The following KCNK10 variants were observed in gnomAD, a reference collection of about 807,000 sequenced individuals.
KCNK10 encodes the protein potassium two pore domain channel subfamily K member 10, also known as potassium channel subfamily K member 10.
In KCNK10, 25 loss-of-function variants were observed where a neutral mutation model predicts 47.7. The ratio of observed to expected loss-of-function variants is 0.52; its 90% CI spans 0.38 to 0.73. The LOEUF (loss-of-function observed/expected upper bound fraction) is 0.73, where lower values mean the gene tolerates loss of function less well. Among genes scored for constraint, KCNK10 ranks in the 30% least tolerant of loss-of-function variants. The pLI, the probability that KCNK10 is intolerant of heterozygous loss-of-function variation, is 0.00. For synonymous variants in KCNK10, 303 were observed against 285.6 expected (o/e 1.06, Z -0.61); for missense variants, 563 against 714.5 (o/e 0.79, Z 2.42).
At position 88,227,449 on chromosome 14, in the gene KCNK10, A is replaced by G. The variant is rs868022506; in HGVS notation, c.607T>C (p.Leu203=). ...AGTTGGTCTCCAATTCCAGCCAATA[A>G]GAAACCAAAGAGTGGAATTCCAAAG... The part of the protein sequence containing the change: ...AIFGIPLFGF[L]LAGIGDQLGT... The change falls in exon 4 of 7, where the codon TTA becomes CTA. Residue 203 remains leucine (L), a synonymous_variant. Transcript: ENST00000319231. 6.2e-7 allele frequency: 1 copy of G among 1,613,754 alleles called. No homozygotes were observed.
At chr14:88,326,431 A>T (rs1171493735), upstream of KCNK10, 1 of 1,613,658 alleles carries the variant, frequency 6.2e-7, no homozygotes, top group East Asian at 2.2e-5. Context: ...AAGGAAAGAA[A>T]GAAGTCTGTG....
upstream of KCNK10, among the ~76,000 whole-genome samples, chr14:88,324,333 C>T (rs572140055): frequency 6.6e-6 from 1 of 152,216 alleles, no homozygotes; most frequent in Non-Finnish European, 1.5e-5. Context: ...ACGGGTCACT[C>T]CGAGTATCAA....
At chr14:88,250,624 C>T (rs1371180654) in intron 2 of KCNK10, among the ~76,000 whole-genome samples, 4 of 152,182 alleles carry the variant, frequency 2.6e-5, no homozygotes, top group Admixed American at 2.0e-4. Context: ...CTTTCCAACA[C>T]GCTGCTTTCC....
intron 1 of KCNK10, among the ~76,000 whole-genome samples, chr14:88,289,300 T>A (rs1887829114): frequency 1.3e-5 from 2 of 152,238 alleles, no homozygotes; most frequent in Non-Finnish European, 2.9e-5. Context: ...AAGAAGAATC[T>A]CACTGGGCTT....
Position 88,273,183 on chromosome 14 carries a change from A to C in KCNK10, c.53-9632T>G, listed in dbSNP as rs77578884. 3.5e-3 allele frequency among the ~76,000 whole-genome samples: 536 copies of C among 152,312 alleles called. 11 individuals are homozygous for C. Among genetic ancestry groups the C allele is most frequent in the Admixed American group, 0.026 (395 of 15,308 alleles). ...AGTAAAAGATGATGCTCAAGGGAGC[A>C]ACATTTAAGGGACAGCAAAGGGAGG... On this transcript the variant is annotated intron_variant, in intron 1 of 6. Coordinates refer to ENST00000319231, the MANE Select transcript of KCNK10 (RefSeq NM_138317.3).
chr14:88,238,413 G>A (rs566514522), intron 3 of KCNK10, among the ~76,000 whole-genome samples: 1 of 152,332 alleles, frequency 6.6e-6, no homozygotes, highest in African/African-American at 2.4e-5. Context: ...GCTCATGCCT[G>A]TAATTCCAGC....
At chr14:88,261,478 C>T (rs1213814595) in intron 2 of KCNK10, among the ~76,000 whole-genome samples, 2 of 152,188 alleles carry the variant, frequency 1.3e-5, no homozygotes, top group East Asian at 1.9e-4. Context: ...AAGGGATGGG[C>T]GTGGTGACTC....
intron 1 of KCNK10, among the ~76,000 whole-genome samples, chr14:88,265,777 A>G (rs983799899): frequency 6.6e-6 from 1 of 152,198 alleles, no homozygotes; most frequent in African/African-American, 2.4e-5. Flanking sequence ...GTGATAGTGA[A>G]TAAGTCTCAC....
At chr14:88,284,577 A>G (rs2139775542) in intron 1 of KCNK10, among the ~76,000 whole-genome samples, 1 of 152,248 alleles carries the variant, frequency 6.6e-6, no homozygotes, top group Middle Eastern at 3.4e-3. Flanking sequence ...AAGCTAAACA[A>G]CTTGGAGTCT....
intron 1 of KCNK10, among the ~76,000 whole-genome samples, chr14:88,273,506 G>C (rs1887456000): frequency 6.6e-6 from 1 of 152,274 alleles, no homozygotes; most frequent in East Asian, 1.9e-4. Flanking sequence ...TGCCTTTATT[G>C]TTCCGATAAA....
chr14:88,265,740 G>A (rs1175223473), intron 1 of KCNK10, among the ~76,000 whole-genome samples: 1 of 152,084 alleles, frequency 6.6e-6, no homozygotes, highest in African/African-American at 2.4e-5. Context: ...TGAAGCATGG[G>A]GGCAGGTTTT....
At chr14:88,189,082 T>C (rs913891710) in intron 5 of KCNK10, among the ~76,000 whole-genome samples, 2 of 152,174 alleles carry the variant, frequency 1.3e-5, no homozygotes, top group African/African-American at 4.8e-5. Flanking sequence ...GTAACTATCG[T>C]ATTAGGTGAT....
At chr14:88,220,603 A>AG (rs1025065958) in intron 4 of KCNK10, among the ~76,000 whole-genome samples, 16 of 86,954 alleles carry the variant, frequency 1.8e-4, no homozygotes, top group African/African-American at 7.6e-4. Flanking sequence ...GACAACATGG[A>AG]GAAAAAAAAA....
At chr14:88,234,694 T>C (rs113015265) in intron 3 of KCNK10, among the ~76,000 whole-genome samples, 1 of 152,314 alleles carries the variant, frequency 6.6e-6, no homozygotes, top group East Asian at 1.9e-4. Context: ...CTGTCCCTCA[T>C]TGCTGTGGAC....
chr14:88,272,290 C>T (rs1887425624), intron 1 of KCNK10, among the ~76,000 whole-genome samples: 1 of 152,174 alleles, frequency 6.6e-6, no homozygotes, highest in South Asian at 2.1e-4. Flanking sequence ...GTGTTCTATG[C>T]AAGCAAATGC....
At chr14:88,308,038 T>C (rs1888237430) in intron 1 of KCNK10, among the ~76,000 whole-genome samples, 1 of 152,154 alleles carries the variant, frequency 6.6e-6, no homozygotes. Flanking sequence ...GTTCGGCAGC[T>C]TGGGAGTGGC....
At chr14:88,212,163 G>A (rs190003390) in intron 4 of KCNK10, among the ~76,000 whole-genome samples, 8 of 150,656 alleles carry the variant, frequency 5.3e-5, no homozygotes, top group Admixed American at 2.6e-4. Context: ...GAGAGAGGCC[G>A]GGCATGGTGG....
At chr14:88,311,970 C>T (rs1888337773) in intron 1 of KCNK10, among the ~76,000 whole-genome samples, 1 of 152,148 alleles carries the variant, frequency 6.6e-6, no homozygotes, top group South Asian at 2.1e-4. Context: ...GTTACAGATG[C>T]CATCAGTGCT....
At chr14:88,290,000 A>G (rs1887843010) in intron 1 of KCNK10, among the ~76,000 whole-genome samples, 1 of 152,220 alleles carries the variant, frequency 6.6e-6, no homozygotes, top group East Asian at 1.9e-4. Context: ...TACTTACAGG[A>G]CAACTTTTTA....
Sources: allele counts gnomAD v4.1 joint callset (sites outside exome capture counted in the v4.1 genomes callset), GRCh38; gene constraint gnomAD v4.1.1; transcripts MANE v1.5; gene names NCBI Gene and HGNC (gene_info 2026-07-23, HGNC 2026-07-21).